The following USH2A variants were observed in gnomAD, a reference collection of about 807,000 sequenced individuals.
USH2A encodes usherin.
In USH2A, 443 loss-of-function variants were observed where a neutral mutation model predicts 538.9. The observed-to-expected ratio is 0.82, with a 90% CI of 0.76 to 0.89. The LOEUF (loss-of-function observed/expected upper bound fraction) is 0.89. USH2A is among the 40% of genes least tolerant of loss of function. The pLI is 0.00. For synonymous variants in USH2A, 2,413 were observed against 2,273.5 expected (o/e 1.06, Z -1.75); for missense variants, 6,633 against 6,324.8 (o/e 1.05, Z -1.65).
intron 21 of USH2A, among the ~76,000 whole-genome samples, chr1:216,113,137 TAAAA>T (rs71159901): frequency 0.35 from 44,413 of 127,812 alleles, 7,624 homozygotes; most frequent in East Asian, 0.77. Flanking sequence ...CTCCAAATGA[TAAAA>T]AAAAAAAAAA....
At chr1:215,902,770 C>G (rs1254523849) in intron 38 of USH2A, among the ~76,000 whole-genome samples, 1 of 152,032 alleles carries the variant, frequency 6.6e-6, no homozygotes, top group East Asian at 1.9e-4. Context: ...GAAGAGTAAT[C>G]CAGCCAGAGA....
intron 64 of USH2A, among the ~76,000 whole-genome samples, 195 bp from the exon 65 acceptor site, chr1:215,650,996 T>A (rs1476716374): frequency 2.6e-5 from 4 of 152,174 alleles, no homozygotes; most frequent in African/African-American, 9.7e-5. Context: ...TTTTTATTTT[T>A]ATTTTTTGCC....
chr1:216,217,381 A>C lies in USH2A; in HGVS notation c.3157+6T>G. The C allele has an allele frequency of 6.2e-7, 1 of 1,612,758 alleles. No homozygotes were observed. On this transcript the variant is annotated splice_donor_region_variant and intron_variant, in intron 15 of 71. Transcript: ENST00000307340. ...ACACACCAGCACTGAACCAGAGTTCACTTACTTTTGCTGCAACCCAATAGA... is the reference window on the plus strand; with the variant it reads ...ACACACCAGCACTGAACCAGAGTTCCCTTACTTTTGCTGCAACCCAATAGA...
At chr1:216,206,691 T>C (rs763136523) in intron 16 of USH2A, among the ~76,000 whole-genome samples, 3 of 152,212 alleles carry the variant, frequency 2.0e-5, no homozygotes, top group Non-Finnish European at 4.4e-5. Context: ...GGTATCAGTT[T>C]ATATGCTATC....
rs538858793 is a variant in USH2A, at chr1:216,113,791, C to T, written c.4628-16578G>A. ...TTTTCAATAATGGCGTCTTCCTTTG[C>T]TTTTTATAATTGGGCTTCCTAGCCC... On this transcript the variant is annotated intron_variant, in intron 21 of 71. Coordinates refer to ENST00000307340, the MANE Select transcript of USH2A (RefSeq NM_206933.4). 5.8e-4 allele frequency among the ~76,000 whole-genome samples: 88 copies of T among 151,756 alleles called. 2 individuals carry two copies. The highest frequency in any genetic ancestry group is 2.0e-3 in the African/African-American group (81 of 41,482).
intron 41 of USH2A, among the ~76,000 whole-genome samples, chr1:215,884,379 G>T (rs908103762): frequency 6.6e-6 from 1 of 152,182 alleles, no homozygotes; most frequent in South Asian, 2.1e-4. Context: ...CAGGAAGATT[G>T]CACTTTTTTT....
intron 36 of USH2A, among the ~76,000 whole-genome samples, chr1:215,966,199 C>T (rs1382199702): frequency 1.3e-5 from 2 of 151,928 alleles, no homozygotes. Context: ...AAATGCAATC[C>T]CTAGCTGTAC....
At chr1:215,714,302 G>A (rs1487760274) in intron 61 of USH2A, among the ~76,000 whole-genome samples, 3 of 152,214 alleles carry the variant, frequency 2.0e-5, no homozygotes, top group Non-Finnish European at 4.4e-5. Flanking sequence ...GTGAGGGAGA[G>A]TGGAGTGAAA....
intron 20 of USH2A, among the ~76,000 whole-genome samples, chr1:216,185,723 T>C (rs2034586113): frequency 6.6e-6 from 1 of 151,942 alleles, no homozygotes; most frequent in Non-Finnish European, 1.5e-5. Context: ...ATAGCAAAAT[T>C]GTTGACCATT....
intron 43 of USH2A, among the ~76,000 whole-genome samples, chr1:215,869,360 A>G (rs1377668230): frequency 6.6e-6 from 1 of 152,184 alleles, no homozygotes; most frequent in African/African-American, 2.4e-5. Context: ...TGTTCTGTCC[A>G]TACTTGGATG....
chr1:215,883,874 A>AG (rs2102456166), intron 41 of USH2A, among the ~76,000 whole-genome samples: 1 of 152,326 alleles, frequency 6.6e-6, no homozygotes, highest in South Asian at 2.1e-4. Flanking sequence ...TCAATCATTT[A>AG]GTCTTCTATT....
At chr1:215,784,728 C>A (rs574784049) in intron 52 of USH2A, among the ~76,000 whole-genome samples, 1 of 152,268 alleles carries the variant, frequency 6.6e-6, no homozygotes, top group South Asian at 2.1e-4. Context: ...GAACATCTTT[C>A]ATGAAAAAGA....
chr1:216,213,134 C>CT (rs1414980963), intron 15 of USH2A, among the ~76,000 whole-genome samples: 1 of 152,006 alleles, frequency 6.6e-6, no homozygotes, highest in Non-Finnish European at 1.5e-5. Context: ...TTATTAATTT[C>CT]TTTTTCAAAT....
chr1:216,036,168 G>A (rs2029942411), intron 32 of USH2A, among the ~76,000 whole-genome samples: 1 of 152,116 alleles, frequency 6.6e-6, no homozygotes, highest in African/African-American at 2.4e-5. Context: ...GTGAAGACTA[G>A]GGAAAACTAG....
chr1:215,876,817 G>GC (rs1664785989), intron 43 of USH2A, among the ~76,000 whole-genome samples: 1 of 152,140 alleles, frequency 6.6e-6, no homozygotes, highest in Non-Finnish European at 1.5e-5. Context: ...AGCTGAAAGA[G>GC]CAAGTGTTGT....
chr1:216,343,371 C>CA (rs1206103461), intron 4 of USH2A, among the ~76,000 whole-genome samples: 33,611 of 87,506 alleles, frequency 0.38, 4,999 homozygotes, highest in Middle Eastern at 0.49. Flanking sequence ...ACCATCTCTA[C>CA]AAAAAAAAAA....
chr1:215,680,155 C>A lies in USH2A; in HGVS notation c.12288G>T (p.Val4096=). 6.2e-7 allele frequency: 1 copy of A among 1,613,942 alleles called. No homozygotes were observed. Among genetic ancestry groups the A allele is most frequent in the East Asian group, 2.2e-5 (1 of 44,872 alleles). ...TATGCAGGGTAGACATTACCTTAAT[C>A]ACACCATTGGTTCTCATAGGTTCTG... ...QWSEPMRTNG[V]IKTYNIFSDG... is the part of the protein sequence containing the mutation. Residue 4096 remains valine, a synonymous_variant, in exon 62 of 72, where the codon GTG becomes GTT. Transcript: ENST00000307340.
chr1:216,116,403 A>G (rs1053183799), intron 21 of USH2A, among the ~76,000 whole-genome samples: 1 of 152,140 alleles, frequency 6.6e-6, no homozygotes, highest in Non-Finnish European at 1.5e-5. Context: ...CATTAGTAAA[A>G]TTGCTGAGTG....
intron 47 of USH2A, among the ~76,000 whole-genome samples, chr1:215,828,551 A>G (rs1384579055): frequency 2.0e-5 from 3 of 152,244 alleles, no homozygotes; most frequent in Admixed American, 6.5e-5. Context: ...AGATTTCTGC[A>G]AAGTTTGTGT....
Sources: allele counts gnomAD v4.1 joint callset (sites outside exome capture counted in the v4.1 genomes callset), GRCh38; gene constraint gnomAD v4.1.1; transcripts MANE v1.5; gene names NCBI Gene and HGNC (gene_info 2026-07-23, HGNC 2026-07-21).